CHD6: variants seen among roughly 807,000 people sequenced by gnomAD.
CHD6 encodes chromodomain helicase DNA binding protein 6.
CHD6 carries 50 observed loss-of-function variants against 276.9 expected under a neutral mutation model. The observed-to-expected ratio is 0.18, with a 90% CI of 0.14 to 0.23. CHD6 has a LOEUF of 0.23. Ranked by LOEUF, CHD6 falls within the 10% of genes least tolerant of loss-of-function variation. The probability of loss-of-function intolerance (pLI) is 1.00; values close to 1 mark genes in which losing one functional copy is unlikely to be tolerated. For synonymous variants in CHD6, 1,173 were observed against 1,229.3 expected (o/e 0.95, Z 0.96); for missense variants, 2,564 against 3,365.8 (o/e 0.76, Z 5.89).
At chr20:41,465,270 G>A (rs78666101) in intron 17 of CHD6, among the ~76,000 whole-genome samples, 122 of 152,280 alleles carry the variant, frequency 8.0e-4, no homozygotes, top group African/African-American at 2.8e-3. Context: ...CAGATGGCAC[G>A]TTAACCAAGT....
At chr20:41,564,109 CAGA>C (rs1364872305) in intron 1 of CHD6, 1 of 777,358 alleles carries the variant, frequency 1.3e-6, no homozygotes, top group East Asian at 2.4e-5. Flanking sequence ...TCTTCATTTA[CAGA>C]ACTGGTACAA....
intron 5 of CHD6, among the ~76,000 whole-genome samples, chr20:41,502,181 A>G (rs1382801012): frequency 1.3e-5 from 2 of 152,140 alleles, no homozygotes; most frequent in African/African-American, 4.8e-5. Context: ...TGTTTAAGAA[A>G]TTTGTATTGC....
At chr20:41,580,222 GT>G (rs2045521566) in intron 1 of CHD6, among the ~76,000 whole-genome samples, 1 of 152,178 alleles carries the variant, frequency 6.6e-6, no homozygotes. Flanking sequence ...GAGTGTTTAT[GT>G]TTTGCTCTGT....
In CHD6 at chr20:41,445,852, C is replaced by T. The variant is rs143327073; in HGVS notation, c.3774-84G>A. 164 of 774,402 alleles carry T rather than the reference C, an allele frequency of 2.1e-4. No homozygotes were observed. The African/African-American group carries it at 2.7e-3, about 13-fold the overall frequency. The allele number at this position is 774,402 out of a possible 1,614,324, so 48.0% of individuals were successfully genotyped here. On this transcript the variant is annotated intron_variant, in intron 24 of 36. Transcript: ENST00000373233. ...ATTAGGCCACAGTCCTACTGGCATG[C>T]TGAGATGCTAAAGTAACAATAAACA...
At chr20:41,541,907 C>G (rs143399946) in intron 2 of CHD6, among the ~76,000 whole-genome samples, 113 of 152,236 alleles carry the variant, frequency 7.4e-4, no homozygotes, top group African/African-American at 2.6e-3. Context: ...TTTCAAGAGT[C>G]TTAGAAATTT....
chr20:41,473,602 G>A lies in CHD6; in HGVS notation c.2469-85C>T, dbSNP rs2043106403. ...CACAAAATGCAGGAAGCTGTCGACT[G>A]ATGGCCTTAAATCCCTCACTTCTAA... is the stretch of plus-strand genomic sequence containing the variant. On this transcript the variant is annotated intron_variant, in intron 16 of 36. Coordinates refer to ENST00000373233, the MANE Select transcript of CHD6 (RefSeq NM_032221.5). The surrounding 1 kb of genome is among the most constrained non-coding windows in gnomAD (Gnocchi z 4.1). 3 of 1,129,424 alleles carry A rather than the reference G, an allele frequency of 2.7e-6. No homozygotes were observed. The highest frequency in any genetic ancestry group is 1.5e-5 in the African/African-American group (1 of 65,122). The allele number at this position is 1,129,424 out of a possible 1,614,324, so 70.0% of individuals were successfully genotyped here.
chr20:41,450,883 T>G, intron 23 of CHD6, 63 bp downstream of exon 23: 1 of 1,469,702 alleles, frequency 6.8e-7, no homozygotes, highest in Non-Finnish European at 9.4e-7. Context: ...CCTGTGGGGT[T>G]CCCAGGAATC....
At chr20:41,559,886 TACAC>T (rs72289431) in intron 1 of CHD6, among the ~76,000 whole-genome samples, 1 of 149,788 alleles carries the variant, frequency 6.7e-6, no homozygotes, top group African/African-American at 2.5e-5. Context: ...CACGCACACA[TACAC>T]ACACACACAC....
At position 41,452,960 on chromosome 20, in the gene CHD6, T is replaced by C; in HGVS notation, c.3121-18A>G. On this transcript the variant is annotated intron_variant, in intron 20 of 36. Coordinates refer to ENST00000373233, the MANE Select transcript of CHD6 (RefSeq NM_032221.5). The surrounding 1 kb of genome is among the most constrained non-coding windows in gnomAD (Gnocchi z 4.2). ...AAGCTTTCCTAGAAATGGAGAGGAC[T>C]ACTGGGAAGAAAGTCCTCTTTTCTC... The C allele has an allele frequency of 1.2e-6, 2 of 1,602,390 alleles. No homozygotes were observed. Among genetic ancestry groups the C allele is most frequent in the Non-Finnish European group, 1.7e-6 (2 of 1,169,576 alleles).
chr20:41,451,756 C>G (rs1299160899), intron 22 of CHD6, 70 bp downstream of exon 22: 3 of 1,349,332 alleles, frequency 2.2e-6, no homozygotes, highest in Non-Finnish European at 3.2e-6. Context: ...AGCAATACGG[C>G]CCCGCAGAGG....
chr20:41,584,985 A>G (rs1568717587), intron 1 of CHD6, among the ~76,000 whole-genome samples: 1 of 152,220 alleles, frequency 6.6e-6, no homozygotes. Context: ...AGTCGTGAAA[A>G]GGAAAGAAAC....
intron 1 of CHD6, among the ~76,000 whole-genome samples, chr20:41,567,226 C>A (rs996143027): frequency 3.3e-5 from 5 of 152,156 alleles, no homozygotes; most frequent in East Asian, 1.9e-4. Flanking sequence ...GAGGCTCCTG[C>A]CTGTAAAGTG....
At chr20:41,458,434 G>A (rs1301732211) in intron 17 of CHD6, among the ~76,000 whole-genome samples, 1 of 152,162 alleles carries the variant, frequency 6.6e-6, no homozygotes, top group African/African-American at 2.4e-5. Flanking sequence ...TTTGGCTCAT[G>A]GGAGCCTCTC....
At chr20:41,499,407 A>C (rs760673260) in intron 5 of CHD6, 50 bp from the exon 6 acceptor site, 5 of 1,420,756 alleles carry the variant, frequency 3.5e-6, no homozygotes, top group South Asian at 2.5e-5. Context: ...CACAGAATCC[A>C]AGAAAACAAT....
chr20:41,469,231 T>G (rs1306980107), intron 17 of CHD6, among the ~76,000 whole-genome samples: 1 of 152,216 alleles, frequency 6.6e-6, no homozygotes, highest in Non-Finnish European at 1.5e-5. Flanking sequence ...CCAGGACATC[T>G]GCTCCCACAC....
chr20:41,512,687 C>T (rs1455965818), intron 5 of CHD6, among the ~76,000 whole-genome samples, 159 bp downstream of exon 5: 1 of 149,548 alleles, frequency 6.7e-6, no homozygotes, highest in Non-Finnish European at 1.5e-5. Context: ...AGTAAGGAGT[C>T]TGAATGTCAT....
At position 41,421,030 on chromosome 20, in the gene CHD6, C is replaced by T. The variant is rs765474528; in HGVS notation, c.5605G>A (p.Glu1869Lys). The change falls in exon 31 of 37, where the codon GAA becomes AAA. Residue 1869 changes from glutamate to lysine, a missense_variant. By Grantham distance (56) the Glu-to-Lys change is moderately conservative. This residue lies in a region of CHD6 where 1,024 missense variants were observed against 1,047.9 expected (regional missense o/e 0.98). Transcript: ENST00000373233. Reference protein sequence around the residue: ...LSQNHSDEEEEEEENEEENLA... With the variant: ...LSQNHSDEEEKEEENEEENLA... Reference sequence around the variant, plus strand: ...TTTTCCTCCTCGTTTTCCTCCTCTTCTTCCTCCTCATCACTGTGGTTCTGA... The same window carrying T: ...TTTTCCTCCTCGTTTTCCTCCTCTTTTTCCTCCTCATCACTGTGGTTCTGA... The T allele has an allele frequency of 4.3e-6, 7 of 1,613,790 alleles. 1 individual carries two copies. The highest frequency in any genetic ancestry group is 1.1e-5 in the South Asian group (1 of 91,018).
intron 1 of CHD6, among the ~76,000 whole-genome samples, chr20:41,615,665 T>G (rs918575329): frequency 1.3e-5 from 2 of 152,248 alleles, no homozygotes; most frequent in African/African-American, 4.8e-5. Flanking sequence ...ACCAAAGATA[T>G]TTCTGCAGGT....
intron 17 of CHD6, among the ~76,000 whole-genome samples, chr20:41,460,776 G>T (rs544334686): frequency 2.1e-4 from 32 of 152,320 alleles, no homozygotes; most frequent in African/African-American, 7.7e-4. Context: ...ATGTGGGGTC[G>T]GAGCCCCCAC....
Sources: gnomAD v4.1 joint callset for allele counts (sites outside exome capture counted in the v4.1 genomes callset) on GRCh38, gnomAD v4.1.1 for gene constraint, gnomAD v4.1.1 regional missense constraint, Gnocchi (gnomAD v3.1) non-coding constraint, MANE v1.5 for transcripts, NCBI Gene and HGNC (gene_info 2026-07-23, HGNC 2026-07-21) for gene names.